EPHA5: variants seen among roughly 807,000 people sequenced by gnomAD.
The protein encoded by EPHA5 is EPH receptor A5, also known as ephrin type-A receptor 5.
In EPHA5, 60 loss-of-function variants were observed where a neutral mutation model predicts 105.0. The ratio of observed to expected loss-of-function variants is 0.57; its 90% CI spans 0.46 to 0.71. The LOEUF is 0.71. EPHA5 is among the 30% of genes least tolerant of loss of function. EPHA5 has a pLI of 0.00. For synonymous variants in EPHA5, 513 were observed against 449.1 expected (o/e 1.14, Z -1.80); for missense variants, 1,218 against 1,274.7 (o/e 0.96, Z 0.68).
chr4:65,447,909 A>G (rs568586872), intron 5 of EPHA5, among the ~76,000 whole-genome samples: 1 of 152,306 alleles, frequency 6.6e-6, no homozygotes, highest in South Asian at 2.1e-4. Flanking sequence ...ATCTAACAAA[A>G]GTGTCAAAAG....
chr4:65,483,286 G>T (rs983303982), intron 5 of EPHA5, among the ~76,000 whole-genome samples: 8 of 152,170 alleles, frequency 5.3e-5, no homozygotes, highest in Non-Finnish European at 1.2e-4. Context: ...TTGGTTCCAA[G>T]TCTTTGCTAT....
At chr4:65,635,835 T>A (rs1747072108) in intron 2 of EPHA5, among the ~76,000 whole-genome samples, 1 of 152,066 alleles carries the variant, frequency 6.6e-6, no homozygotes, top group African/African-American at 2.4e-5. Context: ...AAAAACAAAA[T>A]ACATTTTTAG....
chr4:65,331,757 A>G (rs930572045), intron 16 of EPHA5: 10 of 1,230,502 alleles, frequency 8.1e-6, no homozygotes, highest in Non-Finnish European at 7.1e-6. Flanking sequence ...AAGTATGCCA[A>G]TGTTATTTGT....
intron 5 of EPHA5, among the ~76,000 whole-genome samples, chr4:65,467,310 A>T (rs1488540402): frequency 2.0e-5 from 3 of 152,172 alleles, no homozygotes; most frequent in Non-Finnish European, 4.4e-5. Context: ...ACAGTGGTAG[A>T]TTTATTGCAA....
At chr4:65,601,178 CT>C (rs1166542062) in intron 3 of EPHA5, among the ~76,000 whole-genome samples, 1 of 152,172 alleles carries the variant, frequency 6.6e-6, no homozygotes, top group Non-Finnish European at 1.5e-5. Flanking sequence ...TATGGCTGAA[CT>C]TTTTTTCTGA....
chr4:65,652,790 T>G (rs1748725930), intron 1 of EPHA5, among the ~76,000 whole-genome samples: 1 of 152,080 alleles, frequency 6.6e-6, no homozygotes, highest in Non-Finnish European at 1.5e-5. Flanking sequence ...AGAACAGACA[T>G]TAGGTTTTCC....
At chr4:65,526,845 T>C (rs1176693317) in intron 3 of EPHA5, among the ~76,000 whole-genome samples, 1 of 152,052 alleles carries the variant, frequency 6.6e-6, no homozygotes, top group African/African-American at 2.4e-5. Flanking sequence ...TTCCTTTTTA[T>C]CTGCTTTTTT....
At chr4:65,439,274 A>G (rs1725783134) in intron 5 of EPHA5, among the ~76,000 whole-genome samples, 1 of 152,166 alleles carries the variant, frequency 6.6e-6, no homozygotes, top group Admixed American at 6.6e-5. Flanking sequence ...ATATTTTGTA[A>G]GGTAAATCCA....
At chr4:65,462,909 C>T (rs779382175) in intron 5 of EPHA5, among the ~76,000 whole-genome samples, 1 of 152,112 alleles carries the variant, frequency 6.6e-6, no homozygotes, top group South Asian at 2.1e-4. Flanking sequence ...GATACTTAAA[C>T]AGAAATCCCT....
chr4:65,573,314 G>A (rs1409079734), intron 3 of EPHA5: 6 of 523,604 alleles, frequency 1.1e-5, no homozygotes, highest in Non-Finnish European at 2.0e-5. Context: ...GGGAGGCGGA[G>A]GCAGGAGAAT....
At chr4:65,427,313 T>C (rs1724539066) in intron 5 of EPHA5, among the ~76,000 whole-genome samples, 2 of 151,096 alleles carry the variant, frequency 1.3e-5, no homozygotes, top group African/African-American at 4.9e-5. Flanking sequence ...GCCTCCCGAG[T>C]AGCTGGGGTT....
chr4:65,530,328 A>G (rs1403076914), intron 3 of EPHA5, among the ~76,000 whole-genome samples: 2 of 152,112 alleles, frequency 1.3e-5, no homozygotes, highest in Non-Finnish European at 2.9e-5. Flanking sequence ...AAGATTAAAG[A>G]CTTTAAAAAT....
At chr4:65,542,725 G>T (rs1736964555) in intron 3 of EPHA5, among the ~76,000 whole-genome samples, 1 of 151,302 alleles carries the variant, frequency 6.6e-6, no homozygotes, top group African/African-American at 2.4e-5. Flanking sequence ...ATTTTATGGG[G>T]CCAGCATCAT....
At chr4:65,625,201 G>A (rs1746026025) in intron 2 of EPHA5, among the ~76,000 whole-genome samples, 1 of 152,020 alleles carries the variant, frequency 6.6e-6, no homozygotes, top group Non-Finnish European at 1.5e-5. Flanking sequence ...GAGCTATGTT[G>A]TAGAACAAAT....
chr4:65,612,010 C>T (rs1270666971), intron 2 of EPHA5, among the ~76,000 whole-genome samples: 3 of 79,224 alleles, frequency 3.8e-5, no homozygotes, highest in South Asian at 5.1e-4. Context: ...GAGCGAGACC[C>T]TCTCTCAAAA....
Position 65,321,607 on chromosome 4 carries a change from C to A in EPHA5, c.*2507G>T, listed in dbSNP as rs962367266. The A allele has an allele frequency of 2.6e-5, 6 of 229,098 alleles. No individual in the cohort carries two copies. The highest frequency in any genetic ancestry group is 5.2e-5 in the Non-Finnish European group (6 of 115,446). 14.2% of individuals were successfully genotyped at this position (229,098 alleles called of 1,614,324 possible). On this transcript the variant is annotated 3_prime_UTR_variant, in exon 17 of 17. Coordinates refer to ENST00000613740, the MANE Select transcript of EPHA5 (RefSeq NM_001281766.3). ...AAAAGAAAACTATGTGGCTATTTAA[C>A]TTTCCTTTCAATTTACTTTCCAAAA...
At chr4:65,418,009 C>A (rs1262678058) in intron 6 of EPHA5, among the ~76,000 whole-genome samples, 1 of 152,114 alleles carries the variant, frequency 6.6e-6, no homozygotes, top group South Asian at 2.1e-4. Flanking sequence ...CTAGTTGATT[C>A]AGAGATAAAA....
intron 14 of EPHA5, among the ~76,000 whole-genome samples, chr4:65,344,762 A>T (rs984791243): frequency 1.7e-4 from 26 of 152,208 alleles, no homozygotes; most frequent in Non-Finnish European, 2.9e-4. Flanking sequence ...TATCTGAAGA[A>T]TAGAAAGTAG....
intron 5 of EPHA5, among the ~76,000 whole-genome samples, chr4:65,486,171 C>T (rs371955885): frequency 8.1e-4 from 123 of 152,034 alleles, no homozygotes; most frequent in Middle Eastern, 3.4e-3. Flanking sequence ...GTTCGAAGTT[C>T]CTCCCCTCAT....
Sources: gnomAD v4.1 joint callset for allele counts (sites outside exome capture counted in the v4.1 genomes callset) on GRCh38, gnomAD v4.1.1 for gene constraint, MANE v1.5 for transcripts, NCBI Gene and HGNC (gene_info 2026-07-23, HGNC 2026-07-21) for gene names.